NLGN1: variants seen among roughly 807,000 people sequenced by gnomAD.
NLGN1 encodes the protein neuroligin-1.
NLGN1 carries 12 observed loss-of-function variants against 65.5 expected under a neutral mutation model. The observed-to-expected ratio is 0.18, with a 90% CI of 0.12 to 0.30. The LOEUF is 0.30. Among genes scored for constraint, NLGN1 ranks in the 10% least tolerant of loss-of-function variants. NLGN1 has a pLI of 1.00. For missense variants in NLGN1, 750 were observed against 1,007.1 expected (o/e 0.74, Z 3.46); for synonymous variants, 350 against 359.5 (o/e 0.97, Z 0.30).
chr3:173,708,172 A>AT (rs1768351667), intron 3 of NLGN1, among the ~76,000 whole-genome samples: 1 of 152,204 alleles, frequency 6.6e-6, no homozygotes, highest in Non-Finnish European at 1.5e-5. Context: ...CAATATAAAA[A>AT]TTATAAAATA....
At chr3:174,195,139 G>T (rs978024066) in intron 4 of NLGN1, among the ~76,000 whole-genome samples, 5 of 152,130 alleles carry the variant, frequency 3.3e-5, no homozygotes, top group African/African-American at 1.2e-4. Context: ...GGGAATACAG[G>T]CATGAGCCAC....
chr3:173,780,850 C>T (rs371458448), intron 3 of NLGN1, among the ~76,000 whole-genome samples: 8 of 151,888 alleles, frequency 5.3e-5, no homozygotes, highest in Non-Finnish European at 1.0e-4. Context: ...TTTTTGAAAA[C>T]GTAAATATTG....
In NLGN1 at chr3:173,464,561, A is replaced by G. The variant is rs572474794; in HGVS notation, c.-321+29483A>G. On this transcript the variant is annotated intron_variant, in intron 2 of 6. Transcript: ENST00000457714. ...AGCGATTCTCCTGCCTTGGCCTCCC[A>G]AGTAGCTGGGATTACAGGTGTGCAC... is the stretch of plus-strand genomic sequence containing the variant. Among the ~76,000 whole-genome samples, 43 of 150,692 alleles carry G rather than the reference A, an allele frequency of 2.9e-4. No individual in the cohort carries two copies. In the South Asian group the frequency reaches 5.9e-3, roughly 21 times the overall value.
At chr3:174,095,537 A>ATC (rs141524465) in intron 4 of NLGN1, among the ~76,000 whole-genome samples, 25,083 of 151,026 alleles carry the variant, frequency 0.17, 2,356 homozygotes, top group African/African-American at 0.24. Flanking sequence ...ATATATCTAT[A>ATC]TATATATATA....
At chr3:173,853,101 C>G (rs1405065513) in intron 4 of NLGN1, among the ~76,000 whole-genome samples, 1 of 152,168 alleles carries the variant, frequency 6.6e-6, no homozygotes, top group Non-Finnish European at 1.5e-5. Flanking sequence ...TTTAAGACAT[C>G]AACATAATCA....
At chr3:173,924,436 T>C (rs1255391957) in intron 4 of NLGN1, among the ~76,000 whole-genome samples, 2 of 152,052 alleles carry the variant, frequency 1.3e-5, no homozygotes, top group Non-Finnish European at 2.9e-5. Context: ...TGATGCATTC[T>C]ATTTTGTAAT....
chr3:173,911,447 T>C (rs1405181383), intron 4 of NLGN1, among the ~76,000 whole-genome samples: 1 of 152,182 alleles, frequency 6.6e-6, no homozygotes, highest in African/African-American at 2.4e-5. Flanking sequence ...GAGTCAAAAA[T>C]ATTAATTTCC....
At chr3:173,677,190 G>A (rs906336398) in intron 3 of NLGN1, among the ~76,000 whole-genome samples, 1 of 151,958 alleles carries the variant, frequency 6.6e-6, no homozygotes, top group East Asian at 1.9e-4. Context: ...CTATTATCTG[G>A]CTAGAAGGGT....
chr3:174,075,098 G>A (rs778387337), intron 4 of NLGN1, among the ~76,000 whole-genome samples: 5 of 152,120 alleles, frequency 3.3e-5, no homozygotes, highest in Non-Finnish European at 7.3e-5. Flanking sequence ...AGCTATAGAT[G>A]TTATTTGGCA....
At chr3:173,519,451 G>A (rs1335101390) in intron 2 of NLGN1, among the ~76,000 whole-genome samples, 1 of 152,230 alleles carries the variant, frequency 6.6e-6, no homozygotes, top group Non-Finnish European at 1.5e-5. Context: ...GAGCAGCTGT[G>A]GGGACTGAAC....
chr3:173,909,866 CG>C (rs1739230653), intron 4 of NLGN1, among the ~76,000 whole-genome samples: 1 of 152,048 alleles, frequency 6.6e-6, no homozygotes, highest in Admixed American at 6.6e-5. Context: ...TCAGTAGAGA[CG>C]GGGTTTCTCC....
intron 4 of NLGN1, among the ~76,000 whole-genome samples, chr3:173,989,191 A>C (rs975747356): frequency 6.6e-6 from 1 of 152,194 alleles, no homozygotes; most frequent in African/African-American, 2.4e-5. Context: ...TCAACTGATA[A>C]AACAGCATCA....
chr3:174,236,197 G>T (rs1233322086), intron 4 of NLGN1, among the ~76,000 whole-genome samples: 1 of 152,052 alleles, frequency 6.6e-6, no homozygotes, highest in Non-Finnish European at 1.5e-5. Flanking sequence ...TGCTTGAAAA[G>T]AACTGTGTTC....
chr3:173,415,841 G>A (rs1476211789), intron 1 of NLGN1, among the ~76,000 whole-genome samples: 2 of 150,996 alleles, frequency 1.3e-5, no homozygotes, highest in African/African-American at 4.9e-5. Flanking sequence ...TTTCCCTATT[G>A]ATAAAGGGAG....
At chr3:174,116,319 T>C (rs184428971) in intron 4 of NLGN1, among the ~76,000 whole-genome samples, 1 of 150,320 alleles carries the variant, frequency 6.7e-6, no homozygotes, top group East Asian at 2.0e-4. Context: ...GTAAGTTTTT[T>C]TCTGGGTTTT....
rs1491415863 is a variant in NLGN1 at position 174,272,664 on chromosome 3, T to TA, written c.647-2651_647-2650insA. 1.5e-3 allele frequency among the ~76,000 whole-genome samples: 142 copies of TA among 96,274 alleles called. 2 individuals are homozygous for TA. The highest frequency in any genetic ancestry group is 0.012 in the Middle Eastern group (2 of 164). 63.2% of individuals were successfully genotyped at this position (96,274 alleles called of 152,430 possible). ...ATGATGATATGGATGGATGGATGGA[T>TA]GGATAGATAGATAGATAGATAGATA... On this transcript the variant is annotated intron_variant, in intron 4 of 6. Transcript: ENST00000457714.
chr3:174,271,756 T>C (rs139141101), intron 4 of NLGN1, among the ~76,000 whole-genome samples: 27 of 151,874 alleles, frequency 1.8e-4, no homozygotes, highest in Non-Finnish European at 1.9e-4. Flanking sequence ...ACTGAGTTTT[T>C]AAGTGGGAAG....
intron 4 of NLGN1, among the ~76,000 whole-genome samples, chr3:173,851,222 T>G (rs1726864195): frequency 6.6e-6 from 1 of 152,166 alleles, no homozygotes; most frequent in Non-Finnish European, 1.5e-5. Context: ...TTTCATCAAA[T>G]CTAACCTCCC....
At chr3:173,672,731 A>G (rs1004866850) in intron 3 of NLGN1, among the ~76,000 whole-genome samples, 2 of 152,220 alleles carry the variant, frequency 1.3e-5, no homozygotes, top group Non-Finnish European at 2.9e-5. Flanking sequence ...TCAAGCCTTA[A>G]TATCATTATG....
Sources: allele counts gnomAD v4.1 joint callset (sites outside exome capture counted in the v4.1 genomes callset), GRCh38; gene constraint gnomAD v4.1.1; transcripts MANE v1.5; gene names NCBI Gene and HGNC (gene_info 2026-07-23, HGNC 2026-07-21).